Variants in CFAP92 observed in about 807,000 individuals in gnomAD.
CFAP92 encodes the protein cilia and flagella associated protein 92 (putative), also known as uncharacterized protein CFAP92.
In CFAP92, 86 loss-of-function variants were observed where a neutral mutation model predicts 106.3. The ratio of observed to expected loss-of-function variants is 0.81; its 90% CI spans 0.68 to 0.97. The LOEUF (loss-of-function observed/expected upper bound fraction) is 0.97, where lower values mean the gene tolerates loss of function less well. CFAP92 is among the 50% of genes least tolerant of loss of function. The pLI is 0.00. For missense variants in CFAP92, 1,204 were observed against 1,283.8 expected, an observed-to-expected ratio of 0.94 and a Z score of 0.95; for synonymous variants, 477 against 506.4, an observed-to-expected ratio of 0.94 and a Z score of 0.78.
At chr3:129,001,965 GC>G in intron 1 of CFAP92, 1 of 1,544,840 alleles carries the variant, frequency 6.5e-7, no homozygotes, top group Non-Finnish European at 8.7e-7. Context: ...CCCCGGGGAT[GC>G]GGCCGCTGAG....
intron 12 of CFAP92, among the ~76,000 whole-genome samples, chr3:128,928,007 C>T (rs1194645200): frequency 1.3e-5 from 2 of 152,174 alleles, no homozygotes; most frequent in African/African-American, 4.8e-5. Flanking sequence ...AATCCCAGCA[C>T]TTTGGGAGGC....
Position 128,915,484 on chromosome 3 carries a change from T to A in CFAP92, c.2996A>T (p.Lys999Met). Residue 999 changes from lysine (K) to methionine (M), a missense_variant, in exon 14 of 16, where the codon AAG (lysine) becomes ATG (methionine). Transcript: ENST00000645291. The part of the protein sequence containing the change: ...VEPLDLKEEE[K>M]KAQKKSRQAW... The stretch of plus-strand genomic sequence containing the variant: ...CTGGCGGGATTTCTTCTGGGCTTTC[T>A]TCTCCTCTTCCTTCAAGTCCAGGGG... 6.5e-7 allele frequency: 1 copy of A among 1,536,140 alleles called. No individual in the cohort carries two copies. The highest frequency in any genetic ancestry group is 8.7e-7 in the Non-Finnish European group (1 of 1,146,906).
At chr3:128,992,008 C>T (rs1944247890) in intron 2 of CFAP92, 1 of 343,172 alleles carries the variant, frequency 2.9e-6, no homozygotes. Context: ...TAGGCTTGCC[C>T]TCCTGTGTGT....
intron 6 of CFAP92, among the ~76,000 whole-genome samples, chr3:128,976,314 T>C (rs748663046): frequency 4.6e-5 from 7 of 152,156 alleles, no homozygotes; most frequent in Non-Finnish European, 8.8e-5. Flanking sequence ...TGAACTCTAT[T>C]AAAGGACATA....
At chr3:128,948,589 G>A (rs1205249239) in intron 9 of CFAP92, among the ~76,000 whole-genome samples, 1 of 146,334 alleles carries the variant, frequency 6.8e-6, no homozygotes, top group African/African-American at 2.6e-5. Flanking sequence ...GAGTACAGTG[G>A]CTCAATCTCA....
At chr3:128,943,645 C>T (rs1435549375) in intron 10 of CFAP92, among the ~76,000 whole-genome samples, 1 of 151,988 alleles carries the variant, frequency 6.6e-6, no homozygotes, top group Admixed American at 6.6e-5. Context: ...AAGGAATTCT[C>T]CTGCCTCAGT....
At chr3:129,016,313 T>C in the CFAP92 span, among the ~76,000 whole-genome samples, 1 of 152,146 alleles carries the variant, frequency 6.6e-6, no homozygotes, top group Non-Finnish European at 1.5e-5. Flanking sequence ...CAGGCTTCTG[T>C]GTGAAAGAGA....
At chr3:129,004,587 C>T (rs1341915146), upstream of CFAP92, among the ~76,000 whole-genome samples, 1 of 149,850 alleles carries the variant, frequency 6.7e-6, no homozygotes, top group Non-Finnish European at 1.5e-5. Flanking sequence ...TCCACAAACA[C>T]CCTCTATTTG....
At chr3:128,976,531 T>C (rs1405523212) in intron 6 of CFAP92, among the ~76,000 whole-genome samples, 1 of 152,220 alleles carries the variant, frequency 6.6e-6, no homozygotes, top group Non-Finnish European at 1.5e-5. Flanking sequence ...TTCTCTCCCT[T>C]GTCCCCATAG....
rs1051202582 is a variant in CFAP92, at chr3:128,917,560, C to A, written c.2752-1289G>T. Among the ~76,000 whole-genome samples the A allele has an allele frequency of 2.0e-5, 3 of 152,050 alleles. No individual in the cohort carries two copies. The East Asian group carries it at 5.8e-4, about 29-fold the overall frequency. ...AGTAAATACAGTATTTAAAAAAGGC[C>A]ACAGACTGAACAACTGAAGCTAAAT... is the stretch of plus-strand genomic sequence containing the variant. On this transcript the variant is annotated intron_variant, in intron 12 of 15. Coordinates refer to ENST00000645291, the MANE Select transcript of CFAP92 (RefSeq NM_001394090.1).
At chr3:129,011,415 C>T in the CFAP92 span, among the ~76,000 whole-genome samples, 1 of 151,962 alleles carries the variant, frequency 6.6e-6, no homozygotes, top group African/African-American at 2.4e-5. Flanking sequence ...GCCAGGTGTC[C>T]TGGCACGTGC....
rs1936446988 is a variant in CFAP92, at chr3:128,912,499, C to G, written c.3281-2166G>C. On this transcript the variant is annotated intron_variant, in intron 15 of 15. Coordinates refer to ENST00000645291, the MANE Select transcript of CFAP92 (RefSeq NM_001394090.1). ...AGATCACCCACCATCTCTCCTTTTC[C>G]TTCCCAGATGCTCCAGAAAACCTAG... is the stretch of plus-strand genomic sequence containing the variant. The G allele has an allele frequency of 6.2e-7, 1 of 1,612,562 alleles. No homozygotes were observed. Among genetic ancestry groups the G allele is most frequent in the African/African-American group, 1.3e-5 (1 of 74,970 alleles).
chr3:128,991,787 C>T (rs189009885), intron 2 of CFAP92: 7 of 993,066 alleles, frequency 7.0e-6, no homozygotes, highest in East Asian at 1.1e-4. Context: ...AAGAAACTTA[C>T]ACCATCGACA....
In CFAP92 at chr3:128,974,693, C is replaced by T. The variant is rs530698825; in HGVS notation, c.1021+1086G>A. ...AAAATTAGCTGGGTGTGGTGGTGGA[C>T]GCCTGTAATCCCAGCTACTCAGGAG... On this transcript the variant is annotated intron_variant, in intron 7 of 15. Transcript: ENST00000645291. 5.5e-4 allele frequency among the ~76,000 whole-genome samples: 83 copies of T among 152,082 alleles called. 1 individual carries two copies. The highest frequency in any genetic ancestry group is 1.2e-3 in the South Asian group (6 of 4,818).
chr3:128,927,597 G>T (rs1013466537), intron 12 of CFAP92, among the ~76,000 whole-genome samples: 1 of 151,684 alleles, frequency 6.6e-6, no homozygotes, highest in Non-Finnish European at 1.5e-5. Flanking sequence ...GGTGGCGGGC[G>T]CCTGTAGTCC....
At chr3:128,958,452 T>C (rs2107754100) in intron 9 of CFAP92, among the ~76,000 whole-genome samples, 1 of 152,346 alleles carries the variant, frequency 6.6e-6, no homozygotes, top group South Asian at 2.1e-4. Context: ...ATTTTGATAT[T>C]GTGCTATAGT....
chr3:128,919,676 A>C (rs1215745247), intron 12 of CFAP92, among the ~76,000 whole-genome samples: 1 of 152,174 alleles, frequency 6.6e-6, no homozygotes, highest in Non-Finnish European at 1.5e-5. Context: ...GGATTTACTG[A>C]CTCCTAATTT....
intron 12 of CFAP92, among the ~76,000 whole-genome samples, chr3:128,928,097 C>G (rs1223537794): frequency 6.6e-6 from 1 of 151,890 alleles, no homozygotes; most frequent in Non-Finnish European, 1.5e-5. Context: ...CTAAAAAATA[C>G]AAAAAATTAG....
chr3:128,978,378 T>C (rs1943298122), intron 4 of CFAP92, 193 bp from the exon 5 acceptor site: 2 of 511,444 alleles, frequency 3.9e-6, no homozygotes, highest in East Asian at 3.3e-5. Context: ...CTGTAGTCTA[T>C]TAAGTGTGCA....
Sources: gnomAD v4.1 joint callset for allele counts (sites outside exome capture counted in the v4.1 genomes callset) on GRCh38, gnomAD v4.1.1 for gene constraint, MANE v1.5 for transcripts, NCBI Gene and HGNC (gene_info 2026-07-23, HGNC 2026-07-21) for gene names.